Variants in IPO7 observed in about 807,000 individuals in gnomAD.
IPO7 encodes importin 7, also known as importin-7.
A neutral mutation model predicts 136.4 loss-of-function variants in IPO7; 13 were observed. That is an observed-to-expected ratio of 0.10 (90% confidence interval 0.06 to 0.15). IPO7 has a LOEUF of 0.15. IPO7 is among the 10% of genes least tolerant of loss of function. The pLI, the probability that IPO7 is intolerant of heterozygous loss-of-function variation, is 1.00. For missense variants in IPO7, 857 were observed against 1,240.6 expected (o/e 0.69, Z 4.65); for synonymous variants, 403 against 404.4 (o/e 1.00, Z 0.04).
intron 12 of IPO7, among the ~76,000 whole-genome samples, chr11:9,427,292 G>A (rs1309820217): frequency 2.0e-5 from 3 of 151,936 alleles, no homozygotes; most frequent in African/African-American, 4.8e-5. Context: ...ATGGAGCCTC[G>A]TTCTGTTATA....
chr11:9,418,889 G>C (rs555390769), intron 6 of IPO7, among the ~76,000 whole-genome samples: 2 of 152,054 alleles, frequency 1.3e-5, no homozygotes, highest in African/African-American at 4.8e-5. Context: ...TTTTGTTCCT[G>C]GCTTCTTTCA....
At chr11:9,433,986 C>T (rs896849413) in intron 18 of IPO7, 140 bp downstream of exon 18, 41 of 778,408 alleles carry the variant, frequency 5.3e-5, no homozygotes, top group East Asian at 3.6e-4. Context: ...TGCAATGGTG[C>T]GATCTCAGCT....
chr11:9,407,314 G>A (rs191587975), intron 2 of IPO7, among the ~76,000 whole-genome samples: 1 of 152,284 alleles, frequency 6.6e-6, no homozygotes, highest in East Asian at 1.9e-4. Context: ...CCAGAACTTT[G>A]GGAGGCCGAA....
At position 9,433,943 on chromosome 11, in the gene IPO7, G is replaced by A. The variant is rs1455115342; in HGVS notation, c.2074+97G>A. Reference sequence around the variant, plus strand: ...ATACACTTTTTTTTTTTTTTTTTGAGTCGGAATTTTGCTCTTGTTGCCCAG... The same window carrying A: ...ATACACTTTTTTTTTTTTTTTTTGAATCGGAATTTTGCTCTTGTTGCCCAG... On this transcript the variant is annotated intron_variant, in intron 18 of 24. Coordinates refer to ENST00000379719, the MANE Select transcript of IPO7 (RefSeq NM_006391.3). 7.3e-6 allele frequency: 8 copies of A among 1,098,382 alleles called. No individual in the cohort carries two copies. In the South Asian group the frequency reaches 1.2e-4, roughly 17 times the overall value. The allele number at this position is 1,098,382 out of a possible 1,614,324, so 68.0% of individuals were successfully genotyped here.
chr11:9,419,569 T>A (rs1406986508), intron 6 of IPO7, among the ~76,000 whole-genome samples: 135 of 140,242 alleles, frequency 9.6e-4, no homozygotes, highest in East Asian at 3.1e-3. Flanking sequence ...AATATATATA[T>A]ATATATATAT....
At chr11:9,422,313 A>G (rs181853423) in intron 8 of IPO7, among the ~76,000 whole-genome samples, 1 of 152,320 alleles carries the variant, frequency 6.6e-6, no homozygotes, top group Admixed American at 6.5e-5. Flanking sequence ...TGTGAATTTA[A>G]TATCATACTC....
chr11:9,416,286 A>G (rs1036841908), intron 5 of IPO7, among the ~76,000 whole-genome samples: 2 of 152,180 alleles, frequency 1.3e-5, no homozygotes, highest in African/African-American at 4.8e-5. Flanking sequence ...ACATTCAGGT[A>G]TCTCCCACTC....
At chr11:9,423,334 A>G (rs570445354) in intron 9 of IPO7, among the ~76,000 whole-genome samples, 194 bp downstream of exon 9, 27 of 152,292 alleles carry the variant, frequency 1.8e-4, no homozygotes, top group African/African-American at 6.3e-4. Context: ...TGAATATTCA[A>G]CTTATCTTTT....
At position 9,423,044 on chromosome 11, in the gene IPO7, A is replaced by G. The variant is rs1414154984; in HGVS notation, c.945A>G (p.Gln315=). ...TGTTATATCAGTACAAGGAGAAGCA[A>G]TATATGGCTCCTCGAGTTTTACAAC... ...LKVLYQYKEK[Q]YMAPRVLQQT... The change falls in exon 9 of 25, where the codon CAA becomes CAG. Residue 315 remains glutamine, a synonymous_variant. Coordinates refer to ENST00000379719, the MANE Select transcript of IPO7 (RefSeq NM_006391.3). 1 of 1,605,310 alleles carries G rather than the reference A, an allele frequency of 6.2e-7. No individual in the cohort carries two copies. Among genetic ancestry groups the G allele is most frequent in the African/African-American group, 1.3e-5 (1 of 74,694 alleles).
At chr11:9,389,765 CTTT>C (rs779473412) in intron 1 of IPO7, among the ~76,000 whole-genome samples, 1 of 144,840 alleles carries the variant, frequency 6.9e-6, no homozygotes, top group Non-Finnish European at 1.5e-5. Flanking sequence ...GTATATACAC[CTTT>C]TTTTTTTTTT....
intron 3 of IPO7, among the ~76,000 whole-genome samples, chr11:9,409,082 A>T (rs965563700): frequency 2.7e-5 from 4 of 150,150 alleles, no homozygotes; most frequent in Admixed American, 1.3e-4. Flanking sequence ...AACTTACCCA[A>T]CAGATGCTGT....
intron 20 of IPO7, 135 bp from the exon 21 acceptor site, chr11:9,437,619 C>T (rs992274787): frequency 1.5e-6 from 1 of 659,024 alleles, no homozygotes; most frequent in Non-Finnish European, 2.6e-6. Flanking sequence ...TTTCCCAGTG[C>T]AGTGCCTCAG....
At chr11:9,408,703 G>GTTTTTTT (rs1782949167) in intron 3 of IPO7, 64 bp downstream of exon 3, 2 of 411,388 alleles carry the variant, frequency 4.9e-6, no homozygotes, top group Non-Finnish European at 3.5e-6. Flanking sequence ...TTTGTTTTTT[G>GTTTTTTT]GTTTTTTTTT....
chr11:9,433,490 T>G, intron 16 of IPO7, 80 bp from the exon 17 acceptor site: 1 of 874,348 alleles, frequency 1.1e-6, no homozygotes. Context: ...TATTTAAGTG[T>G]ACTGAATTAT....
rs778494958 is a variant in IPO7, at chr11:9,425,181, T to C, written c.1254T>C (p.Ile418=). ...LQKTMGFCYQ[I]LTEPNADPRK... ...AGACTATGGGATTTTGTTACCAGAT[T>C]CTTACAGAACCAAATGCTGACCCTC... The change falls in exon 12 of 25, where the codon ATT becomes ATC. Residue 418 remains isoleucine (I), a synonymous_variant. Coordinates refer to ENST00000379719, the MANE Select transcript of IPO7 (RefSeq NM_006391.3). 6.2e-7 allele frequency: 1 copy of C among 1,611,784 alleles called. No individual in the cohort carries two copies. The highest frequency in any genetic ancestry group is 2.2e-5 in the East Asian group (1 of 44,878).
chr11:9,397,341 A>AAAAAAAT lies in IPO7; in HGVS notation c.85-5948_85-5947insAAAAATA. Reference sequence around the variant, plus strand: ...CTTTACTAAAAATAATTTAAAAAAAAATATATATATATATATATATATATT... The same window carrying AAAAAAAT: ...CTTTACTAAAAATAATTTAAAAAAAAAAAAAATATATATATATATATATATATATATT... On this transcript the variant is annotated intron_variant, in intron 1 of 24. Coordinates refer to ENST00000379719, the MANE Select transcript of IPO7 (RefSeq NM_006391.3). 4.6e-4 allele frequency among the ~76,000 whole-genome samples: 5 copies of AAAAAAAT among 10,764 alleles called. 1 individual carries two copies. Among genetic ancestry groups the AAAAAAAT allele is most frequent in the South Asian group, 0.013 (2 of 154 alleles). 7.1% of individuals were successfully genotyped at this position (10,764 alleles called of 152,430 possible). A position where few individuals can be genotyped will look rare whatever the true frequency, so the allele number is the denominator to read the frequency against.
chr11:9,414,326 G>A lies in IPO7; in HGVS notation c.551G>A (p.Arg184His), dbSNP rs376273953. ...CATTTTCTGCCAGTTCTAAAGGATC[G>A]TTTTATCCAGCTTCTTTCTGACCAG... ...MQHFLPVLKDRFIQLLSDQSD... is the reference protein window; with the variant it reads ...MQHFLPVLKDHFIQLLSDQSD... The change falls in exon 5 of 25, where the codon CGT becomes CAT. Residue 184 changes from arginine (R) to histidine (H), a missense_variant. Transcript: ENST00000379719. 1.2e-5 allele frequency: 20 copies of A among 1,613,064 alleles called. No homozygotes were observed. Among genetic ancestry groups the A allele is most frequent in the Middle Eastern group, 1.6e-4 (1 of 6,064 alleles).
chr11:9,443,210 A>AC (rs1387779944), intron 24 of IPO7, among the ~76,000 whole-genome samples: 3 of 151,828 alleles, frequency 2.0e-5, no homozygotes, highest in Admixed American at 6.6e-5. Flanking sequence ...TCTCAAAAAA[A>AC]CAAAAAAAAG....
chr11:9,405,970 C>A (rs1367177986), intron 2 of IPO7, among the ~76,000 whole-genome samples: 4 of 151,792 alleles, frequency 2.6e-5, no homozygotes, highest in Non-Finnish European at 4.4e-5. Flanking sequence ...CTCATTGAAT[C>A]TTCAAACTTC....
Sources: allele counts gnomAD v4.1 joint callset (sites outside exome capture counted in the v4.1 genomes callset), GRCh38; gene constraint gnomAD v4.1.1; transcripts MANE v1.5; gene names NCBI Gene and HGNC (gene_info 2026-07-23, HGNC 2026-07-21).